Variants in RAD51B observed in about 807,000 individuals in gnomAD.
RAD51B encodes the protein DNA repair protein RAD51 homolog 2.
Under a neutral mutation model 42.2 loss-of-function variants are expected in RAD51B, and 38 were observed. That is an observed-to-expected ratio of 0.90 (90% CI 0.70 to 1.18). The LOEUF (loss-of-function observed/expected upper bound fraction) is 1.18. Ranked by LOEUF, RAD51B falls within the 50% of genes most tolerant of loss-of-function variation. RAD51B has a pLI of 0.00. For missense variants in RAD51B, 373 were observed against 400.7 expected, an observed-to-expected ratio of 0.93 and a Z score of 0.59; for synonymous variants, 154 against 145.2, an observed-to-expected ratio of 1.06 and a Z score of -0.43.
intron 7 of RAD51B, among the ~76,000 whole-genome samples, chr14:67,899,887 G>A (rs1186651544): frequency 6.6e-6 from 1 of 152,234 alleles, no homozygotes; most frequent in African/African-American, 2.4e-5. Flanking sequence ...TGGCTAGTAA[G>A]TGGAAGGGCT....
chr14:68,592,455 T>C (rs1890796162), intron 10 of RAD51B, among the ~76,000 whole-genome samples: 1 of 152,204 alleles, frequency 6.6e-6, no homozygotes, highest in Non-Finnish European at 1.5e-5. Context: ...TTTGCACATA[T>C]TATCTCATAA....
chr14:68,666,293 G>A (rs1398766033), intron 11 of RAD51B, among the ~76,000 whole-genome samples: 5 of 152,156 alleles, frequency 3.3e-5, no homozygotes, highest in Non-Finnish European at 5.9e-5. Flanking sequence ...TTGTTGCATG[G>A]GCCATTGGAT....
intron 7 of RAD51B, among the ~76,000 whole-genome samples, chr14:68,251,796 T>C (rs138732510): frequency 5.3e-5 from 8 of 152,314 alleles, no homozygotes; most frequent in Non-Finnish European, 8.8e-5. Flanking sequence ...GACAGAATAG[T>C]GTTGTTTAAA....
chr14:68,057,826 TG>T (rs2076502235), intron 7 of RAD51B, among the ~76,000 whole-genome samples: 1 of 139,408 alleles, frequency 7.2e-6, no homozygotes, highest in Admixed American at 7.0e-5. Context: ...GTTCTTTGTG[TG>T]TGTGTGTGTG....
chr14:67,977,106 T>G (rs1178136317), intron 7 of RAD51B, among the ~76,000 whole-genome samples: 1 of 152,224 alleles, frequency 6.6e-6, no homozygotes, highest in Non-Finnish European at 1.5e-5. Flanking sequence ...GCATTAACAC[T>G]CAGTACCAAA....
intron 7 of RAD51B, among the ~76,000 whole-genome samples, chr14:68,083,754 T>C (rs2076946989): frequency 6.6e-6 from 1 of 152,164 alleles, no homozygotes; most frequent in Admixed American, 6.5e-5. Flanking sequence ...TTTTTGGCAT[T>C]TTTTTTGTTT....
intron 10 of RAD51B, among the ~76,000 whole-genome samples, chr14:68,619,008 A>G (rs1050537702): frequency 4.6e-5 from 7 of 152,236 alleles, no homozygotes; most frequent in African/African-American, 1.7e-4. Context: ...AGAGACAACT[A>G]TCATTTGGGG....
chr14:68,442,951 C>T (rs1437429655), intron 9 of RAD51B, among the ~76,000 whole-genome samples: 1 of 152,100 alleles, frequency 6.6e-6, no homozygotes, highest in African/African-American at 2.4e-5. Context: ...GGTTGTTGCT[C>T]CCCCTGAAAC....
chr14:68,536,087 A>G (rs1887601014), intron 10 of RAD51B, among the ~76,000 whole-genome samples: 1 of 152,182 alleles, frequency 6.6e-6, no homozygotes, highest in Non-Finnish European at 1.5e-5. Context: ...AAGGCTCACA[A>G]GAGTCCCACA....
rs765856178 is a variant in RAD51B, at chr14:67,865,299, C to T, written c.452+160C>T. Among the ~76,000 whole-genome samples, 115 of 149,698 alleles carry T rather than the reference C, an allele frequency of 7.7e-4. 1 individual carries two copies. Among genetic ancestry groups the T allele is most frequent in the African/African-American group, 2.8e-3 (112 of 40,680 alleles). On this transcript the variant is annotated intron_variant, in intron 5 of 10. Coordinates refer to ENST00000471583, the MANE Select transcript of RAD51B (RefSeq NM_133510.4). ...GTTGCCGGGCTGGAGTGCAGTGGCA[C>T]GATCTGGGCTCATGGCAATCTCCAC...
chr14:68,082,894 TAGACA>T (rs2076932841), intron 7 of RAD51B, among the ~76,000 whole-genome samples: 1 of 152,224 alleles, frequency 6.6e-6, no homozygotes. Flanking sequence ...TATTTGCATA[TAGACA>T]TCTGGGTACA....
At chr14:68,259,342 C>T (rs1207770060) in intron 7 of RAD51B, among the ~76,000 whole-genome samples, 2 of 151,738 alleles carry the variant, frequency 1.3e-5, no homozygotes, top group Non-Finnish European at 1.5e-5. Context: ...AGGAGATATA[C>T]CTAATGCTAA....
chr14:67,956,263 G>C (rs989979026), intron 7 of RAD51B, among the ~76,000 whole-genome samples: 1 of 152,170 alleles, frequency 6.6e-6, no homozygotes, highest in African/African-American at 2.4e-5. Flanking sequence ...AGTTTGGGAG[G>C]CTGAGGTGGG....
chr14:68,265,514 C>G (rs2080972921), intron 7 of RAD51B, among the ~76,000 whole-genome samples: 2 of 152,316 alleles, frequency 1.3e-5, no homozygotes, highest in East Asian at 1.9e-4. Flanking sequence ...CTTTGGGAGG[C>G]TGAGGCAGGT....
chr14:68,515,428 TTTCTTCTTC>T (rs200318966), intron 10 of RAD51B, among the ~76,000 whole-genome samples: 1 of 136,312 alleles, frequency 7.3e-6, no homozygotes, highest in Admixed American at 7.5e-5. Context: ...CTTTTCTTCC[TTTCTTCTTC>T]TTCTTCTTTT....
At chr14:68,511,467 C>T (rs928588093) in intron 10 of RAD51B, among the ~76,000 whole-genome samples, 3 of 152,258 alleles carry the variant, frequency 2.0e-5, no homozygotes, top group East Asian at 1.9e-4. Flanking sequence ...TGGTTAAGCC[C>T]GTATTATCTG....
At chr14:68,540,262 C>T (rs763517948) in intron 10 of RAD51B, 3 of 1,028,232 alleles carry the variant, frequency 2.9e-6, no homozygotes, top group Non-Finnish European at 3.5e-6. Flanking sequence ...TCCTTGCACC[C>T]TGTTCAAGGT....
chr14:68,107,475 A>G (rs2077394519), intron 7 of RAD51B, among the ~76,000 whole-genome samples: 1 of 151,872 alleles, frequency 6.6e-6, no homozygotes, highest in Non-Finnish European at 1.5e-5. Context: ...AACCAATACT[A>G]AAATTCACTG....
chr14:67,944,378 TG>T (rs1232401042), intron 7 of RAD51B, among the ~76,000 whole-genome samples: 1 of 152,182 alleles, frequency 6.6e-6, no homozygotes, highest in Non-Finnish European at 1.5e-5. Context: ...GGGTTTTGTT[TG>T]TTTGTTTTAG....
Sources: gnomAD v4.1 joint callset for allele counts (sites outside exome capture counted in the v4.1 genomes callset) on GRCh38, gnomAD v4.1.1 for gene constraint, MANE v1.5 for transcripts, NCBI Gene and HGNC (gene_info 2026-07-23, HGNC 2026-07-21) for gene names.